NOL10: variants seen among roughly 807,000 people sequenced by gnomAD.
NOL10 encodes the protein nucleolar protein 10, also known as H_NH0074G24.1.
In NOL10, 58 loss-of-function variants were observed where a neutral mutation model predicts 103.5. The ratio of observed to expected loss-of-function variants is 0.56; its 90% confidence interval spans 0.45 to 0.70. The LOEUF (loss-of-function observed/expected upper bound fraction) is 0.70, where lower values mean the gene tolerates loss of function less well. NOL10 is among the 30% of genes least tolerant of loss of function. NOL10 has a pLI of 0.00. For synonymous variants in NOL10, 287 were observed against 282.5 expected (o/e 1.02, Z -0.16); for missense variants, 763 against 807.3 (o/e 0.95, Z 0.67).
At chr2:10,611,442 T>C (rs932960112) in intron 13 of NOL10, among the ~76,000 whole-genome samples, 4 of 152,234 alleles carry the variant, frequency 2.6e-5, no homozygotes, top group Admixed American at 1.3e-4. Context: ...AAAATTATCA[T>C]GTATTCCTGT....
intron 13 of NOL10, among the ~76,000 whole-genome samples, chr2:10,635,149 AT>A (rs996133913): frequency 5.3e-5 from 8 of 152,214 alleles, no homozygotes; most frequent in Non-Finnish European, 1.2e-4. Flanking sequence ...ACTGAAGGTA[AT>A]TTTATACCTT....
intron 1 of NOL10, among the ~76,000 whole-genome samples, chr2:10,685,632 A>G (rs974490743): frequency 7.2e-5 from 11 of 152,166 alleles, no homozygotes; most frequent in African/African-American, 2.7e-4. Context: ...AAATTGTGTG[A>G]ATAAAAATCG....
intron 11 of NOL10, among the ~76,000 whole-genome samples, chr2:10,654,787 A>AG (rs1176940209): frequency 1.3e-5 from 2 of 152,232 alleles, no homozygotes; most frequent in Non-Finnish European, 2.9e-5. Flanking sequence ...TCCAAAAAAA[A>AG]GAAAAATTAC....
At chr2:10,587,206 C>CATATATATACACAT (rs1558270657) in intron 19 of NOL10, among the ~76,000 whole-genome samples, 3 of 32,410 alleles carry the variant, frequency 9.3e-5, no homozygotes, top group South Asian at 6.5e-4. Context: ...TATATATACA[C>CATATATATACACAT]ATATATATAT....
chr2:10,654,425 AC>A (rs1679685275), intron 12 of NOL10, 55 bp downstream of exon 12: 1 of 1,179,930 alleles, frequency 8.5e-7, no homozygotes, highest in Non-Finnish European at 1.2e-6. Flanking sequence ...CTGAACGTTC[AC>A]TACAGAATGC....
At chr2:10,585,177 T>C (rs1674960118) in intron 19 of NOL10, among the ~76,000 whole-genome samples, 1 of 152,194 alleles carries the variant, frequency 6.6e-6, no homozygotes, top group Non-Finnish European at 1.5e-5. Flanking sequence ...TCTAAGTACT[T>C]ATTCAAGAGC....
chr2:10,581,655 C>T (rs1400354861), intron 19 of NOL10, among the ~76,000 whole-genome samples: 2 of 152,038 alleles, frequency 1.3e-5, no homozygotes, highest in African/African-American at 4.8e-5. Context: ...AATGAGACCC[C>T]ATCTGGACAA....
intron 17 of NOL10, among the ~76,000 whole-genome samples, chr2:10,598,532 C>A (rs1285939507): frequency 6.6e-6 from 1 of 152,142 alleles, no homozygotes; most frequent in East Asian, 1.9e-4. Context: ...TAATGGTGAA[C>A]CTCTGAAAAC....
At chr2:10,665,293 T>A (rs961299545) in intron 8 of NOL10, among the ~76,000 whole-genome samples, 4 of 152,234 alleles carry the variant, frequency 2.6e-5, no homozygotes, top group African/African-American at 7.2e-5. Flanking sequence ...ACTTCCAGTG[T>A]AAATACAAAA....
intron 13 of NOL10, among the ~76,000 whole-genome samples, chr2:10,628,056 C>T (rs1677594726): frequency 1.3e-5 from 2 of 152,182 alleles, no homozygotes; most frequent in East Asian, 3.8e-4. Flanking sequence ...CATTGTCTGA[C>T]AGCTCTTCCC....
intron 1 of NOL10, among the ~76,000 whole-genome samples, chr2:10,688,503 C>T (rs1055892955): frequency 5.9e-5 from 9 of 152,220 alleles, no homozygotes; most frequent in African/African-American, 1.9e-4. Context: ...CATCTTCACA[C>T]GACTGGCTCC....
chr2:10,678,893 A>G (rs1018033914), intron 3 of NOL10, among the ~76,000 whole-genome samples: 1 of 152,162 alleles, frequency 6.6e-6, no homozygotes, highest in Non-Finnish European at 1.5e-5. Context: ...AGCCACTAGT[A>G]ATGTGAGGCT....
intron 13 of NOL10, among the ~76,000 whole-genome samples, chr2:10,633,883 G>A (rs1183846385): frequency 1.3e-5 from 2 of 152,004 alleles, no homozygotes; most frequent in African/African-American, 4.8e-5. Flanking sequence ...CTGGAGTGCA[G>A]TAGCATGGTC....
intron 13 of NOL10, among the ~76,000 whole-genome samples, chr2:10,614,833 AATG>A (rs1464145011): frequency 6.6e-6 from 1 of 152,258 alleles, no homozygotes; most frequent in Non-Finnish European, 1.5e-5. Flanking sequence ...TATTATGATT[AATG>A]ATAATTTTTC....
intron 12 of NOL10, among the ~76,000 whole-genome samples, chr2:10,645,527 ACTAT>A (rs1472542026): frequency 2.1e-5 from 3 of 141,930 alleles, no homozygotes; most frequent in South Asian, 2.2e-4. Flanking sequence ...GGAACTCAAT[ACTAT>A]CTTTTTTTTT....
chr2:10,629,447 A>G (rs1005103282), intron 13 of NOL10, among the ~76,000 whole-genome samples: 1 of 152,242 alleles, frequency 6.6e-6, no homozygotes, highest in Non-Finnish European at 1.5e-5. Flanking sequence ...ATAAGAAACC[A>G]TATTAACAAA....
chr2:10,619,690 A>G (rs1425183051), intron 13 of NOL10, among the ~76,000 whole-genome samples: 2 of 152,220 alleles, frequency 1.3e-5, no homozygotes, highest in African/African-American at 4.8e-5. Context: ...CAAGGAAGAA[A>G]AAGAAAATCT....
chr2:10,637,435 A>G (rs1349750646), intron 13 of NOL10, among the ~76,000 whole-genome samples: 2 of 152,284 alleles, frequency 1.3e-5, no homozygotes, highest in South Asian at 4.1e-4. Context: ...ATTCTGCAGC[A>G]CCTACTGCCT....
At chr2:10,651,189 C>T in intron 12 of NOL10, among the ~76,000 whole-genome samples, 1 of 152,176 alleles carries the variant, frequency 6.6e-6, no homozygotes, top group East Asian at 1.9e-4. Flanking sequence ...CAGATTGGCA[C>T]TCATTTCAGC....
Sources: allele counts gnomAD v4.1 joint callset (sites outside exome capture counted in the v4.1 genomes callset), GRCh38; gene constraint gnomAD v4.1.1; transcripts MANE v1.5; gene names NCBI Gene and HGNC (gene_info 2026-07-23, HGNC 2026-07-21).